Variants in MEGF6 observed in about 807,000 individuals in gnomAD.
MEGF6 encodes the protein multiple epidermal growth factor-like domains protein 6.
In MEGF6, 184 loss-of-function variants were observed where a neutral mutation model predicts 207.1. The ratio of observed to expected loss-of-function variants is 0.89; its 90% confidence interval spans 0.79 to 1.00. MEGF6 has a LOEUF of 1.00. MEGF6 is among the 50% of genes least tolerant of loss of function. The pLI, the probability that MEGF6 is intolerant of heterozygous loss-of-function variation, is 0.00. For synonymous variants in MEGF6, 1,038 were observed against 910.0 expected (o/e 1.14, Z -2.53); for missense variants, 2,282 against 2,202.9 (o/e 1.04, Z -0.72).
intron 4 of MEGF6, among the ~76,000 whole-genome samples, chr1:3,567,467 T>C (rs1276168856): frequency 6.6e-6 from 1 of 152,190 alleles, no homozygotes; most frequent in Admixed American, 6.5e-5. Flanking sequence ...CCCTGCGTGT[T>C]TATTGATTGC....
chr1:3,494,527 T>C (rs1422177422), intron 31 of MEGF6, 28 bp from the exon 32 acceptor site: 3 of 1,578,224 alleles, frequency 1.9e-6, no homozygotes, highest in Non-Finnish European at 1.7e-6. Context: ...TGGGCAGTCC[T>C]TCGGCACCAG....
At chr1:3,539,470 C>A (rs1229881543) in intron 4 of MEGF6, among the ~76,000 whole-genome samples, 1 of 152,066 alleles carries the variant, frequency 6.6e-6, no homozygotes, top group East Asian at 1.9e-4. Flanking sequence ...TCGGCCCTGC[C>A]AGGAGGGAAT....
intron 4 of MEGF6, among the ~76,000 whole-genome samples, chr1:3,577,004 C>G (rs1643662491): frequency 6.6e-6 from 1 of 151,148 alleles, no homozygotes; most frequent in African/African-American, 2.4e-5. Flanking sequence ...CACTCCACCC[C>G]TGCACACCTG....
intron 1 of MEGF6, among the ~76,000 whole-genome samples, chr1:3,609,456 G>A (rs79522215): frequency 0.011 from 1,611 of 152,298 alleles, 62 homozygotes; most frequent in East Asian, 0.097. Flanking sequence ...TCAGACTCTC[G>A]CTGGTGGACG....
At chr1:3,516,971 T>C (rs1641564485) in intron 5 of MEGF6, among the ~76,000 whole-genome samples, 2 of 152,134 alleles carry the variant, frequency 1.3e-5, no homozygotes, top group South Asian at 4.1e-4. Context: ...TCCACCTAAC[T>C]GCCCAGACAA....
chr1:3,508,483 G>A (rs1439048293), intron 13 of MEGF6, 75 bp downstream of exon 13: 4 of 1,540,206 alleles, frequency 2.6e-6, no homozygotes, highest in Non-Finnish European at 2.6e-6. Flanking sequence ...AACTGAATGG[G>A]CTCAAAGGGC....
intron 4 of MEGF6, chr1:3,531,109 T>C (rs1642147724): frequency 1.3e-6 from 2 of 1,526,824 alleles, no homozygotes; most frequent in Non-Finnish European, 1.8e-6. Flanking sequence ...GCTCACGGGG[T>C]AGCCGGCCTG....
chr1:3,544,751 G>A (rs779224308), intron 4 of MEGF6, among the ~76,000 whole-genome samples: 1 of 152,188 alleles, frequency 6.6e-6, no homozygotes, highest in Admixed American at 6.5e-5. Context: ...TGGCCTGGTA[G>A]ACCCAGGGCT....
intron 4 of MEGF6, 66 bp downstream of exon 4, chr1:3,579,759 C>A: frequency 8.3e-7 from 1 of 1,200,010 alleles, no homozygotes; most frequent in Non-Finnish European, 1.1e-6. Context: ...GTGGCCGACA[C>A]ATCCTCGCCC....
At chr1:3,597,081 C>T (rs1450339652) in intron 2 of MEGF6, among the ~76,000 whole-genome samples, 6 of 152,192 alleles carry the variant, frequency 3.9e-5, no homozygotes, top group East Asian at 1.9e-4. Context: ...CTGTGAGGAC[C>T]GCCCACTCAT....
chr1:3,511,426 C>T (rs888576618), intron 9 of MEGF6, 124 bp downstream of exon 9: 11 of 1,250,386 alleles, frequency 8.8e-6, no homozygotes, highest in Non-Finnish European at 1.2e-5. Context: ...GCCCAGGCAG[C>T]CAGACCAGGA....
At chr1:3,601,009 G>T (rs6693971) in intron 2 of MEGF6, among the ~76,000 whole-genome samples, 8 of 151,962 alleles carry the variant, frequency 5.3e-5, no homozygotes, top group Non-Finnish European at 7.4e-5. Context: ...GGTAATGCCG[G>T]GAGGGGATCC....
At chr1:3,601,580 C>T (rs1570239669) in intron 2 of MEGF6, among the ~76,000 whole-genome samples, 1 of 152,318 alleles carries the variant, frequency 6.6e-6, no homozygotes, top group Middle Eastern at 3.4e-3. Context: ...TGCTCAGCAG[C>T]ATCCCTGGCC....
At chr1:3,588,700 C>T (rs1472137165) in intron 3 of MEGF6, among the ~76,000 whole-genome samples, 3 of 152,128 alleles carry the variant, frequency 2.0e-5, no homozygotes, top group South Asian at 2.1e-4. Context: ...GTCCTGCAGC[C>T]CCAGCCTTCA....
At chr1:3,552,679 C>T (rs1307728836) in intron 4 of MEGF6, among the ~76,000 whole-genome samples, 2 of 152,178 alleles carry the variant, frequency 1.3e-5, no homozygotes, top group Admixed American at 1.3e-4. Flanking sequence ...GCCTGGGTAG[C>T]AAAGCAAGAT....
rs575316888 is a variant in MEGF6 at position 3,594,039 on chromosome 1, C to A, written c.376+1299G>T. ...GCTTCCTGTGTGAGAAGAGCCCCTGCGGCTCCAGGCAACTACCCGCCATAA... is the reference window on the plus strand; with the variant it reads ...GCTTCCTGTGTGAGAAGAGCCCCTGAGGCTCCAGGCAACTACCCGCCATAA... On this transcript the variant is annotated intron_variant, in intron 3 of 36. Transcript: ENST00000356575. This position sits in a 1 kb window ranked among gnomAD's most constrained non-coding sequence, Gnocchi z 4.2. 1.3e-5 allele frequency among the ~76,000 whole-genome samples: 2 copies of A among 152,176 alleles called. No individual in the cohort carries two copies. The highest frequency in any genetic ancestry group is 2.4e-5 in the African/African-American group (1 of 41,432).
chr1:3,614,207 G>A (rs964577569), upstream of MEGF6, among the ~76,000 whole-genome samples: 5 of 152,178 alleles, frequency 3.3e-5, no homozygotes, highest in African/African-American at 1.2e-4. Context: ...GGCCCCTGGG[G>A]CTGTCCGTGC....
At chr1:3,563,430 G>C (rs373565252) in intron 4 of MEGF6, among the ~76,000 whole-genome samples, 3 of 152,276 alleles carry the variant, frequency 2.0e-5, no homozygotes, top group South Asian at 4.1e-4. Flanking sequence ...CCGTCCCCTC[G>C]TCGTAGCTGG....
chr1:3,549,638 G>A (rs577096861), intron 4 of MEGF6, among the ~76,000 whole-genome samples: 3 of 152,292 alleles, frequency 2.0e-5, no homozygotes, highest in South Asian at 2.1e-4. Flanking sequence ...TATCCAGGGC[G>A]ACTTGGCCCC....
Sources: gnomAD v4.1 joint callset for allele counts (sites outside exome capture counted in the v4.1 genomes callset) on GRCh38, gnomAD v4.1.1 for gene constraint, Gnocchi (gnomAD v3.1) non-coding constraint, MANE v1.5 for transcripts, NCBI Gene and HGNC (gene_info 2026-07-23, HGNC 2026-07-21) for gene names.